NEK11: variants seen among roughly 807,000 people sequenced by gnomAD.
The protein encoded by NEK11 is serine/threonine-protein kinase Nek11.
In NEK11, 72 loss-of-function variants were observed where a neutral mutation model predicts 80.7. The ratio of observed to expected loss-of-function variants is 0.89; its 90% CI spans 0.74 to 1.08. The LOEUF is 1.08. Among genes scored for constraint, NEK11 ranks in the 50% least tolerant of loss-of-function variants. The probability of loss-of-function intolerance (pLI) is 0.00; values close to 1 mark genes in which losing one functional copy is unlikely to be tolerated. For synonymous variants in NEK11, 251 were observed against 260.7 expected (o/e 0.96, Z 0.36); for missense variants, 764 against 763.6 (o/e 1.00, Z -0.01).
chr3:131,311,172 A>C (rs1432419941), intron 17 of NEK11, among the ~76,000 whole-genome samples: 3 of 152,124 alleles, frequency 2.0e-5, no homozygotes, highest in African/African-American at 7.2e-5. Context: ...TACATGTGAT[A>C]TTTTGTTACC....
intron 5 of NEK11, among the ~76,000 whole-genome samples, chr3:131,129,475 C>T (rs1270142896): frequency 6.6e-6 from 1 of 152,126 alleles, no homozygotes; most frequent in Admixed American, 6.6e-5. Context: ...TCTAGCTTCT[C>T]AATTCTTTCA....
chr3:131,121,708 G>A lies in NEK11; in HGVS notation c.456-11037G>A, dbSNP rs921716832. Among the ~76,000 whole-genome samples, 11 of 152,082 alleles carry A rather than the reference G, an allele frequency of 7.2e-5. No individual in the cohort carries two copies. In the South Asian group the frequency reaches 1.2e-3, roughly 17 times the overall value. On this transcript the variant is annotated intron_variant, in intron 5 of 17. Coordinates refer to ENST00000383366, the MANE Select transcript of NEK11 (RefSeq NM_024800.5). ...TGGTGGACGCCCCTCCCCCAGCCTC[G>A]CTGCCCCCTTGCAGTTGGATCTCAG...
At chr3:131,342,838 T>C (rs2097306828) in intron 17 of NEK11, among the ~76,000 whole-genome samples, 1 of 152,206 alleles carries the variant, frequency 6.6e-6, no homozygotes, top group Admixed American at 6.5e-5. Flanking sequence ...TCCATTCCGA[T>C]ACTATAACAA....
At chr3:131,291,653 T>G (rs2096544524) in intron 17 of NEK11, among the ~76,000 whole-genome samples, 1 of 152,184 alleles carries the variant, frequency 6.6e-6, no homozygotes, top group Admixed American at 6.5e-5. Flanking sequence ...TTCTAATAAG[T>G]ATGTAGTAGT....
At chr3:131,125,589 A>T (rs1578701226) in intron 5 of NEK11, among the ~76,000 whole-genome samples, 3 of 152,102 alleles carry the variant, frequency 2.0e-5, no homozygotes, top group Middle Eastern at 3.4e-3. Flanking sequence ...TGATGTACTT[A>T]AAAAAAACTC....
intron 15 of NEK11, among the ~76,000 whole-genome samples, chr3:131,240,116 G>A (rs1183645438): frequency 1.3e-5 from 2 of 151,716 alleles, no homozygotes; most frequent in African/African-American, 2.4e-5. Flanking sequence ...CTCATTTAGC[G>A]AGAGCAAGTT....
chr3:131,148,668 T>G (rs916371592), intron 7 of NEK11, among the ~76,000 whole-genome samples: 1 of 151,830 alleles, frequency 6.6e-6, no homozygotes, highest in African/African-American at 2.4e-5. Context: ...CAGGGGATAC[T>G]TCTGTTGTCT....
chr3:131,332,781 T>G (rs956188873), intron 17 of NEK11, among the ~76,000 whole-genome samples: 1 of 152,176 alleles, frequency 6.6e-6, no homozygotes, highest in Non-Finnish European at 1.5e-5. Flanking sequence ...AAGGAGCTGA[T>G]GGAGCTGAAA....
chr3:131,134,030 TACTTACTGCATACATTC>T (rs2085059072), intron 7 of NEK11, 74 bp downstream of exon 7: 2 of 1,302,374 alleles, frequency 1.5e-6, no homozygotes. Context: ...TCAGCTCATT[TACTTACTGCATACATTC>T]ACTTTATCCC....
chr3:131,314,913 CAACA>C (rs1298138143), intron 17 of NEK11, among the ~76,000 whole-genome samples: 4 of 152,194 alleles, frequency 2.6e-5, no homozygotes, highest in Non-Finnish European at 4.4e-5. Context: ...GTTTAAAAAG[CAACA>C]AACAAATAAC....
intron 17 of NEK11, among the ~76,000 whole-genome samples, chr3:131,302,273 G>A (rs1442053869): frequency 6.6e-6 from 1 of 151,726 alleles, no homozygotes. Flanking sequence ...TCTAGCTAGT[G>A]GTGTATCAGT....
At chr3:131,127,243 G>GT (rs2083527419) in intron 5 of NEK11, among the ~76,000 whole-genome samples, 2 of 151,708 alleles carry the variant, frequency 1.3e-5, no homozygotes, top group Non-Finnish European at 1.5e-5. Flanking sequence ...GGGATTATAG[G>GT]CGTGAGCCAC....
At chr3:131,283,919 G>C (rs985709434) in intron 17 of NEK11, among the ~76,000 whole-genome samples, 2 of 152,200 alleles carry the variant, frequency 1.3e-5, no homozygotes, top group Non-Finnish European at 2.9e-5. Context: ...TAAAGAGCCT[G>C]TCAGACCTCT....
intron 17 of NEK11, among the ~76,000 whole-genome samples, chr3:131,333,632 G>A (rs2097132613): frequency 6.6e-6 from 1 of 152,096 alleles, no homozygotes; most frequent in African/African-American, 2.4e-5. Flanking sequence ...AACTTTAAAT[G>A]TAAATGGACT....
intron 3 of NEK11, among the ~76,000 whole-genome samples, chr3:131,068,246 A>G (rs573830929): frequency 2.0e-5 from 3 of 152,242 alleles, no homozygotes; most frequent in East Asian, 3.9e-4. Context: ...TACTCAAAGT[A>G]TGGTCCCTGG....
At chr3:131,207,593 G>T (rs1467986403) in intron 14 of NEK11, among the ~76,000 whole-genome samples, 1 of 151,810 alleles carries the variant, frequency 6.6e-6, no homozygotes, top group African/African-American at 2.4e-5. Flanking sequence ...AAAAAAAAAA[G>T]TGTTCCTATT....
chr3:131,149,170 G>A (rs1167134244), intron 7 of NEK11, among the ~76,000 whole-genome samples: 1 of 151,876 alleles, frequency 6.6e-6, no homozygotes, highest in Non-Finnish European at 1.5e-5. Context: ...GTAGGCCCCA[G>A]TGTTTGTTGT....
At chr3:131,223,211 G>A (rs114210048) in intron 14 of NEK11, among the ~76,000 whole-genome samples, 190 of 152,236 alleles carry the variant, frequency 1.2e-3, no homozygotes, top group African/African-American at 4.2e-3. Context: ...AACATGAGGC[G>A]TGACAAACAC....
At chr3:131,133,080 A>G (rs748935537) in intron 6 of NEK11, among the ~76,000 whole-genome samples, 5 of 152,152 alleles carry the variant, frequency 3.3e-5, no homozygotes, top group Non-Finnish European at 5.9e-5. Flanking sequence ...GATTTTTCAA[A>G]TATACTTTGA....
Sources: gnomAD v4.1 joint callset for allele counts (sites outside exome capture counted in the v4.1 genomes callset) on GRCh38, gnomAD v4.1.1 for gene constraint, MANE v1.5 for transcripts, NCBI Gene and HGNC (gene_info 2026-07-23, HGNC 2026-07-21) for gene names.